The following XKR6 variants were observed in gnomAD, a reference collection of about 807,000 sequenced individuals.
XKR6 encodes XK related 6.
Under a neutral mutation model 56.7 loss-of-function variants are expected in XKR6, and 22 were observed. The observed-to-expected ratio is 0.39, with a 90% CI of 0.28 to 0.55. The LOEUF (loss-of-function observed/expected upper bound fraction) is 0.55, where lower values mean the gene tolerates loss of function less well. Among genes scored for constraint, XKR6 ranks in the 20% least tolerant of loss-of-function variants. The pLI is 0.66. For synonymous variants in XKR6, 524 were observed against 387.8 expected, an observed-to-expected ratio of 1.35 and a Z score of -4.13; for missense variants, 852 against 889.0, an observed-to-expected ratio of 0.96 and a Z score of 0.53.
intron 1 of XKR6, among the ~76,000 whole-genome samples, chr8:11,027,511 A>G (rs1213187163): frequency 6.6e-6 from 1 of 152,226 alleles, no homozygotes; most frequent in Non-Finnish European, 1.5e-5. Flanking sequence ...TCTCACCACC[A>G]TGCTACAAAG....
intron 1 of XKR6, among the ~76,000 whole-genome samples, chr8:10,978,961 C>T (rs1177896726): frequency 2.6e-5 from 4 of 152,164 alleles, no homozygotes; most frequent in Non-Finnish European, 5.9e-5. Flanking sequence ...ACCGTACCCT[C>T]GGGCAAATTA....
intron 1 of XKR6, among the ~76,000 whole-genome samples, chr8:11,176,194 C>T (rs555910187): frequency 6.6e-6 from 1 of 152,322 alleles, no homozygotes; most frequent in East Asian, 1.9e-4. Context: ...AATCTCACAA[C>T]TGTAATAACC....
intron 1 of XKR6, among the ~76,000 whole-genome samples, chr8:10,994,204 G>A (rs1288189191): frequency 6.6e-6 from 1 of 152,152 alleles, no homozygotes; most frequent in African/African-American, 2.4e-5. Flanking sequence ...CTAAACCCTG[G>A]AGAAATTGCC....
intron 1 of XKR6, among the ~76,000 whole-genome samples, chr8:11,089,814 C>G (rs1033518161): frequency 1.3e-5 from 2 of 152,158 alleles, no homozygotes; most frequent in African/African-American, 4.8e-5. Flanking sequence ...CTTCCCCTTC[C>G]TGGAGGAGCC....
At chr8:10,963,185 C>T (rs1337596150) in intron 1 of XKR6, among the ~76,000 whole-genome samples, 2 of 152,238 alleles carry the variant, frequency 1.3e-5, no homozygotes, top group Admixed American at 6.5e-5. Context: ...CGCTGGCCTT[C>T]TCCACCACAA....
intron 1 of XKR6, among the ~76,000 whole-genome samples, chr8:10,991,213 T>G (rs1252660813): frequency 6.6e-6 from 1 of 152,128 alleles, no homozygotes; most frequent in South Asian, 2.1e-4. Flanking sequence ...AATGTCTTAC[T>G]GTTTTTTTCA....
chr8:11,059,722 C>T (rs2129163143), intron 1 of XKR6, among the ~76,000 whole-genome samples: 1 of 150,220 alleles, frequency 6.7e-6, no homozygotes, highest in Non-Finnish European at 1.5e-5. Flanking sequence ...CCCCGGCTCC[C>T]CGGCCCGCGC....
intron 1 of XKR6, among the ~76,000 whole-genome samples, chr8:11,132,759 A>G (rs1047967847): frequency 7.8e-5 from 10 of 127,620 alleles, no homozygotes; most frequent in African/African-American, 3.4e-4. Flanking sequence ...TCATACACAC[A>G]CACGCACGCA....
intron 2 of XKR6, among the ~76,000 whole-genome samples, chr8:10,913,515 C>T (rs536811532): frequency 1.3e-5 from 2 of 152,310 alleles, no homozygotes; most frequent in East Asian, 1.9e-4. Flanking sequence ...ATGCACCCCC[C>T]AGCCATCGCT....
chr8:10,996,602 T>G (rs1798118299), intron 1 of XKR6, among the ~76,000 whole-genome samples: 1 of 152,150 alleles, frequency 6.6e-6, no homozygotes, highest in African/African-American at 2.4e-5. Flanking sequence ...CTGCTGTATC[T>G]ACAAGTGGCG....
chr8:11,115,720 A>G (rs1245124581), intron 1 of XKR6, among the ~76,000 whole-genome samples: 1 of 152,330 alleles, frequency 6.6e-6, no homozygotes, highest in South Asian at 2.1e-4. Flanking sequence ...GGGTCCCATT[A>G]CTGCAACGCT....
chr8:11,098,876 C>T (rs1798360022), intron 1 of XKR6, among the ~76,000 whole-genome samples: 1 of 152,016 alleles, frequency 6.6e-6, no homozygotes, highest in African/African-American at 2.4e-5. Flanking sequence ...ATAGACTTTG[C>T]ATCTTGGAAA....
intron 1 of XKR6, chr8:11,108,469 A>G (rs576193536): frequency 1.5e-5 from 6 of 411,144 alleles, no homozygotes; most frequent in South Asian, 1.1e-4. Flanking sequence ...ATGTTCATTT[A>G]AAAAACAGGA....
chr8:11,187,841 T>A (rs1329450177), intron 1 of XKR6, among the ~76,000 whole-genome samples: 2 of 152,112 alleles, frequency 1.3e-5, no homozygotes, highest in Non-Finnish European at 2.9e-5. Context: ...CAAGAATGAA[T>A]CTACATAACC....
chr8:11,115,585 G>C (rs983472139), intron 1 of XKR6, among the ~76,000 whole-genome samples: 1 of 152,140 alleles, frequency 6.6e-6, no homozygotes, highest in African/African-American at 2.4e-5. Context: ...TTTCTCTGCT[G>C]GTTCTACATA....
chr8:10,984,185 T>A (rs1037293113), intron 1 of XKR6, among the ~76,000 whole-genome samples: 1 of 152,196 alleles, frequency 6.6e-6, no homozygotes, highest in African/African-American at 2.4e-5. Flanking sequence ...ACTTTACATA[T>A]TAATAGATCA....
intron 1 of XKR6, among the ~76,000 whole-genome samples, chr8:11,043,348 G>C (rs535648517): frequency 1.8e-4 from 28 of 152,202 alleles, no homozygotes; most frequent in Middle Eastern, 6.8e-3. Context: ...TAAGCGGCTG[G>C]ATGGCTGCAA....
At chr8:10,964,305 A>G (rs1802151395) in intron 1 of XKR6, among the ~76,000 whole-genome samples, 1 of 152,114 alleles carries the variant, frequency 6.6e-6, no homozygotes, top group Non-Finnish European at 1.5e-5. Flanking sequence ...CTTCTAGGAC[A>G]CCTGTTTGCT....
intron 1 of XKR6, among the ~76,000 whole-genome samples, chr8:10,962,481 G>C (rs912960460): frequency 6.6e-6 from 1 of 152,158 alleles, no homozygotes; most frequent in African/African-American, 2.4e-5. Flanking sequence ...TCCGCCAGAA[G>C]GCTCAAATGT....
Sources: gnomAD v4.1 joint callset for allele counts (sites outside exome capture counted in the v4.1 genomes callset) on GRCh38, gnomAD v4.1.1 for gene constraint, MANE v1.5 for transcripts, NCBI Gene and HGNC (gene_info 2026-07-23, HGNC 2026-07-21) for gene names.